The following BMP4 variants were observed in gnomAD, a reference collection of about 807,000 sequenced individuals.
BMP4 encodes the protein bone morphogenetic protein 4, also known as bone morphogenetic protein 2B.
Under a neutral mutation model 29.6 loss-of-function variants are expected in BMP4, and 3 were observed. The observed-to-expected ratio is 0.10, with a 90% CI of 0.05 to 0.26. The LOEUF is 0.26. Ranked by LOEUF, BMP4 falls within the 10% of genes least tolerant of loss-of-function variation. The pLI, the probability that BMP4 is intolerant of heterozygous loss-of-function variation, is 1.00. For missense variants in BMP4, 455 were observed against 550.2 expected, an observed-to-expected ratio of 0.83 and a Z score of 1.73; for synonymous variants, 197 against 213.2, an observed-to-expected ratio of 0.92 and a Z score of 0.66.
chr14:53,951,016 TG>T (rs904525654), intron 3 of BMP4, 128 bp from the exon 4 acceptor site: 6 of 1,315,238 alleles, frequency 4.6e-6, no homozygotes, highest in Middle Eastern at 4.9e-4. Flanking sequence ...GGAAACCTAC[TG>T]GGGGAAAATA....
chr14:53,956,271 C>T (rs1313639504), intron 1 of BMP4, among the ~76,000 whole-genome samples: 3 of 152,136 alleles, frequency 2.0e-5, no homozygotes, highest in African/African-American at 7.2e-5. Flanking sequence ...TTTTTCCCAA[C>T]GACCCCCCTA....
rs1281665131 is a variant in BMP4 at position 53,950,732 on chromosome 14, T to C, written c.527A>G (p.His176Arg). 6.2e-7 allele frequency: 1 copy of C among 1,614,050 alleles called. No individual in the cohort carries two copies. The change falls in exon 4 of 4, where the codon CAC (histidine) becomes CGC (arginine). Residue 176 changes from histidine (H) to arginine (R), a missense_variant. Physicochemically the swap from His to Arg is conservative, Grantham distance 29 (BLOSUM62 0). This residue lies in a region of BMP4 where 249 missense variants were observed against 284.6 expected (regional missense o/e 0.87). Transcript: ENST00000245451. The surrounding 1 kb of genome is among the most constrained non-coding windows in gnomAD (Gnocchi z 5.4). ...CATAACCTCATAAATGTTTATACGG[T>C]GGAAGCCCCTTTCCCAATCAGGGCC... Reference protein sequence around the residue: ...DQGPDWERGFHRINIYEVMKP... With the variant: ...DQGPDWERGFRRINIYEVMKP...
In BMP4 at chr14:53,952,010, C is replaced by T. The variant is rs539120233; in HGVS notation, c.213G>A (p.Pro71=). 4 of 1,613,848 alleles carry T rather than the reference C, an allele frequency of 2.5e-6. No homozygotes were observed. In the Admixed American group the frequency reaches 5.0e-5, roughly 20 times the overall value. ...GAATGACGGCACTCTTGCTAGGCTG[C>T]GGGCGGCGGCGCAGCCCAAACATCT... ...LLQMFGLRRR[P]QPSKSAVIPD... The change falls in exon 3 of 4, where the codon CCG becomes CCA. Residue 71 remains proline (P), a synonymous_variant. Transcript: ENST00000245451.
At position 53,952,118 on chromosome 14, in the gene BMP4, G is replaced by A; in HGVS notation, c.105C>T (p.Val35=). 1.2e-6 allele frequency: 2 copies of A among 1,613,584 alleles called. No homozygotes were observed. The highest frequency in any genetic ancestry group is 2.7e-5 in the African/African-American group (2 of 75,026). Residue 35 remains valine (V), a synonymous_variant, in exon 3 of 4, where the codon GTC becomes GTT. Transcript: ENST00000245451. ...SLIPETGKKK[V]AEIQGHAGGR... The stretch of plus-strand genomic sequence containing the variant: ...CTCCCGCGTGGCCCTGAATCTCGGC[G>A]ACTTTTTTCTTCCCCGTCTCAGGTA...
rs1179656831 is a variant in BMP4, at chr14:53,950,188, C to T, written c.1071G>A (p.Val357=). Residue 357 remains valine (V), a synonymous_variant, in exon 4 of 4, where the codon GTG becomes GTA. Transcript: ENST00000245451. The surrounding 1 kb of genome is among the most constrained non-coding windows in gnomAD (Gnocchi z 5.4). Reference sequence around the variant, plus strand: ...AATTGACAGAATTGACCAGGGTCTGCACAATGGCATGGTTGGTTGAGTTGA... The same window carrying T: ...AATTGACAGAATTGACCAGGGTCTGTACAATGGCATGGTTGGTTGAGTTGA... ...DHLNSTNHAI[V]QTLVNSVNSS... 3 of 1,614,066 alleles carry T rather than the reference C, an allele frequency of 1.9e-6. No homozygotes were observed. Among genetic ancestry groups the T allele is most frequent in the Non-Finnish European group, 2.5e-6 (3 of 1,180,052 alleles).
chr14:53,951,423 T>A lies in BMP4; in HGVS notation c.370+430A>T, dbSNP rs1297296357. On this transcript the variant is annotated intron_variant, in intron 3 of 3. Coordinates refer to ENST00000245451, the MANE Select transcript of BMP4 (RefSeq NM_001202.6). ...AAAATAAATTCCAACACAGTAATGA[T>A]GCTGGTGGATTAATAACTCAGATTT... is the stretch of plus-strand genomic sequence containing the variant. 1.4e-5 allele frequency: 3 copies of A among 209,894 alleles called. No homozygotes were observed. The East Asian group carries it at 3.6e-4, about 25-fold the overall frequency. 13.0% of individuals were successfully genotyped at this position (209,894 alleles called of 1,614,324 possible). A position where few individuals can be genotyped will look rare whatever the true frequency, so the allele number is the denominator to read the frequency against.
rs1243299268 is a variant in BMP4 at position 53,955,235 on chromosome 14, G to A, written c.-133+1315C>T. Among the ~76,000 whole-genome samples the A allele has an allele frequency of 6.6e-6, 1 of 152,214 alleles. No homozygotes were observed. Among genetic ancestry groups the A allele is most frequent in the Non-Finnish European group, 1.5e-5 (1 of 68,036 alleles). ...TCCAGAAGTAGAGAAAGCAGACGGAGGCAAGCTGTGCCCGCGGGGCAAAGG... is the reference window on the plus strand; with the variant it reads ...TCCAGAAGTAGAGAAAGCAGACGGAAGCAAGCTGTGCCCGCGGGGCAAAGG... On this transcript the variant is annotated intron_variant, in intron 1 of 3. Coordinates refer to ENST00000245451, the MANE Select transcript of BMP4 (RefSeq NM_001202.6). This position sits in a 1 kb window ranked among gnomAD's most constrained non-coding sequence, Gnocchi z 4.0.
rs755084602 is a variant in BMP4, at chr14:53,952,059, C to T, written c.164G>A (p.Arg55Gln). Residue 55 changes from arginine to glutamine, a missense_variant, in exon 3 of 4, where the codon CGG becomes CAG. By Grantham distance (43) the Arg-to-Gln change is conservative. Transcript: ENST00000245451. Reference sequence around the variant, plus strand: ...CTGCAGAAGTGTCGCCTCGAAGTCCCGCAGGAGCTCATGGCTCTGCCCTGA... The same window carrying T: ...CTGCAGAAGTGTCGCCTCGAAGTCCTGCAGGAGCTCATGGCTCTGCCCTGA... ...RRSGQSHELL[R>Q]DFEATLLQMF... The T allele has an allele frequency of 1.7e-5, 28 of 1,614,192 alleles. No individual in the cohort carries two copies. Among genetic ancestry groups the T allele is most frequent in the Non-Finnish European group, 2.4e-5 (28 of 1,180,034 alleles).
chr14:53,951,294 A>ACC, intron 3 of BMP4: 1 of 265,008 alleles, frequency 3.8e-6, no homozygotes, highest in South Asian at 4.7e-5. Flanking sequence ...GGAAACATGC[A>ACC]GACAACCACC....
Position 53,954,441 on chromosome 14 carries a change from A to G in BMP4, c.-132-1041T>C, listed in dbSNP as rs1288730508. 2 of 152,148 alleles carry G rather than the reference A, an allele frequency of 1.3e-5. No homozygotes were observed. Among genetic ancestry groups the G allele is most frequent in the Non-Finnish European group, 2.9e-5 (2 of 68,040 alleles). The allele number at this position is 152,148 out of a possible 1,614,324, so 9.4% of individuals were successfully genotyped here. ...CCCACCATGTTCCCCGGAGTCGAGA[A>G]AACGGTGAACAGCTTTCGGCCTGCG... is the stretch of plus-strand genomic sequence containing the variant. On this transcript the variant is annotated intron_variant, in intron 1 of 3. Coordinates refer to ENST00000245451, the MANE Select transcript of BMP4 (RefSeq NM_001202.6). The surrounding 1 kb of genome is among the most constrained non-coding windows in gnomAD (Gnocchi z 4.8).
At position 53,951,943 on chromosome 14, in the gene BMP4, C is replaced by T; in HGVS notation, c.280G>A (p.Glu94Lys). 6.2e-7 allele frequency: 1 copy of T among 1,608,612 alleles called. No homozygotes were observed. The highest frequency in any genetic ancestry group is 8.5e-7 in the Non-Finnish European group (1 of 1,180,008). The change falls in exon 3 of 4, where the codon GAG becomes AAG. Residue 94 changes from glutamate (E) to lysine (K), a missense_variant. Glu to Lys is a moderately conservative substitution (Grantham distance 56). Transcript: ENST00000245451. ...RDLYRLQSGE[E>K]EEEQIHSTGL... ...GTGCTGTGGATCTGCTCTTCCTCCT[C>T]CTCCCCAGACTGAAGCCGGTAAAGA...
chr14:53,951,726 G>T, intron 3 of BMP4, 127 bp downstream of exon 3: 1 of 1,413,988 alleles, frequency 7.1e-7, no homozygotes, highest in Non-Finnish European at 9.5e-7. Flanking sequence ...GAGGTAAGCA[G>T]CTCTGTTCCT....
intron 3 of BMP4, 111 bp downstream of exon 3, chr14:53,951,742 T>G (rs573255802): frequency 1.3e-6 from 2 of 1,486,648 alleles, no homozygotes; most frequent in Non-Finnish European, 1.8e-6. Flanking sequence ...TTCCTCAGCC[T>G]CCTGGACTGG....
In BMP4 at chr14:53,952,003, T is replaced by C. The variant is rs1006741808; in HGVS notation, c.220A>G (p.Ser74Gly). The change falls in exon 3 of 4, where the codon AGC becomes GGC. Residue 74 changes from serine (S) to glycine (G), a missense_variant. Physicochemically the swap from Ser to Gly is moderately conservative, Grantham distance 56. Around this residue, in one of 4 missense-constraint regions of BMP4, gnomAD observed 249 missense variants for 284.6 expected, o/e 0.87. Coordinates refer to ENST00000245451, the MANE Select transcript of BMP4 (RefSeq NM_001202.6). ...TAGTCCGGAATGACGGCACTCTTGC[T>C]AGGCTGCGGGCGGCGGCGCAGCCCA... ...MFGLRRRPQP[S>G]KSAVIPDYMR... 6.2e-7 allele frequency: 1 copy of C among 1,613,896 alleles called. No individual in the cohort carries two copies. The highest frequency in any genetic ancestry group is 1.7e-5 in the Admixed American group (1 of 60,034).
rs1345569984 is a variant in BMP4, at chr14:53,950,010, T to A, written c.*22A>T. The A allele has an allele frequency of 6.2e-7, 1 of 1,613,654 alleles. No homozygotes were observed. On this transcript the variant is annotated 3_prime_UTR_variant, in exon 4 of 4. Coordinates refer to ENST00000245451, the MANE Select transcript of BMP4 (RefSeq NM_001202.6). The surrounding 1 kb of genome is among the most constrained non-coding windows in gnomAD (Gnocchi z 5.4). ...TGTGTGTGTGGTGTGTATATCTGTC[T>A]ATCCTCAAGGACTGCCTGATCTCAG...
At chr14:53,952,807 G>C (rs888240204) in intron 2 of BMP4, among the ~76,000 whole-genome samples, 1 of 152,168 alleles carries the variant, frequency 6.6e-6, no homozygotes, top group African/African-American at 2.4e-5. Context: ...GGTGGCTTGA[G>C]GGCTTATTTT....
In BMP4 at chr14:53,951,000, T is replaced by C. The variant is rs1476577354; in HGVS notation, c.371-112A>G. 2.1e-6 allele frequency: 3 copies of C among 1,442,466 alleles called. No individual in the cohort carries two copies. The highest frequency in any genetic ancestry group is 1.9e-6 in the Non-Finnish European group (2 of 1,042,078). The allele number at this position is 1,442,466 out of a possible 1,614,324, so 89.4% of individuals were successfully genotyped here. On this transcript the variant is annotated intron_variant, in intron 3 of 3. Transcript: ENST00000245451. This position sits in a 1 kb window ranked among gnomAD's most constrained non-coding sequence, Gnocchi z 5.4. ...GGCAATGAATGGTGAATTCTGCTTATGCAGGGGAAACCTACTGGGGGAAAA... is the reference window on the plus strand; with the variant it reads ...GGCAATGAATGGTGAATTCTGCTTACGCAGGGGAAACCTACTGGGGGAAAA...
In BMP4 at chr14:53,956,288, GC is replaced by G. The variant is rs374118207; in HGVS notation, c.-133+261del. Among the ~76,000 whole-genome samples, 353 of 152,214 alleles carry G rather than the reference GC, an allele frequency of 2.3e-3. 3 individuals are homozygous for G. The highest frequency in any genetic ancestry group is 8.2e-3 in the African/African-American group (342 of 41,534). On this transcript the variant is annotated intron_variant, in intron 1 of 3. Coordinates refer to ENST00000245451, the MANE Select transcript of BMP4 (RefSeq NM_001202.6). ...TTTCCCAACGACCCCCCTACCAAGG[GC>G]TTCTCTTGTTTCTGCTCTCCTGCCC...
At chr14:53,953,154 T>C (rs1053362393) in intron 2 of BMP4, 122 bp downstream of exon 2, 4 of 388,142 alleles carry the variant, frequency 1.0e-5, no homozygotes, top group African/African-American at 6.2e-5. Context: ...GGAGCGACAG[T>C]GCTGCCAGGG....
Sources: allele counts gnomAD v4.1 joint callset (sites outside exome capture counted in the v4.1 genomes callset), GRCh38; gene constraint gnomAD v4.1.1; regional missense constraint gnomAD v4.1.1; non-coding constraint Gnocchi (gnomAD v3.1); transcripts MANE v1.5; gene names NCBI Gene and HGNC (gene_info 2026-07-23, HGNC 2026-07-21).